The following FAM184A variants were observed in gnomAD, a reference collection of about 807,000 sequenced individuals.
The protein encoded by FAM184A is protein FAM184A.
In FAM184A, 99 loss-of-function variants were observed where a neutral mutation model predicts 143.8. The ratio of observed to expected loss-of-function variants is 0.69; its 90% CI spans 0.58 to 0.81. The LOEUF (loss-of-function observed/expected upper bound fraction) is 0.81, where lower values mean the gene tolerates loss of function less well. FAM184A is among the 40% of genes least tolerant of loss of function. The pLI is 0.00. For missense variants in FAM184A, 1,217 were observed against 1,310.5 expected, an observed-to-expected ratio of 0.93 and a Z score of 1.10; for synonymous variants, 427 against 446.4, an observed-to-expected ratio of 0.96 and a Z score of 0.55.
chr6:119,141,954 C>A (rs1562166891), intron 1 of FAM184A, among the ~76,000 whole-genome samples: 1 of 152,192 alleles, frequency 6.6e-6, no homozygotes, highest in Non-Finnish European at 1.5e-5. Flanking sequence ...CACAACAAAT[C>A]CTGTCTAAGC....
chr6:118,960,299 G>A, intron 17 of FAM184A, 115 bp from the exon 18 acceptor site: 1 of 792,290 alleles, frequency 1.3e-6, no homozygotes, highest in Non-Finnish European at 2.0e-6. Flanking sequence ...CATGTTGTAA[G>A]TCGTGTTTTA....
chr6:118,971,977 C>T (rs1783711590), intron 14 of FAM184A, among the ~76,000 whole-genome samples: 1 of 152,176 alleles, frequency 6.6e-6, no homozygotes, highest in Admixed American at 6.5e-5. Context: ...CCACAGGACT[C>T]TTCTGATTTC....
At chr6:119,113,479 CT>C (rs201247240) in intron 1 of FAM184A, among the ~76,000 whole-genome samples, 4,791 of 152,208 alleles carry the variant, frequency 0.031, 446 homozygotes, top group Admixed American at 0.19. Context: ...CTCACCACCC[CT>C]AATCATGCTT....
intron 1 of FAM184A, among the ~76,000 whole-genome samples, chr6:119,089,184 C>G (rs1414134278): frequency 3.3e-5 from 4 of 120,148 alleles, no homozygotes; most frequent in African/African-American, 1.4e-4. Context: ...TTATCTCTCT[C>G]TCTTTATTTA....
intron 9 of FAM184A, among the ~76,000 whole-genome samples, chr6:118,998,205 C>G (rs900441279): frequency 1.1e-4 from 17 of 152,318 alleles, no homozygotes; most frequent in Non-Finnish European, 5.9e-5. Context: ...TTAATATTTT[C>G]TTCTCTTCTA....
At chr6:119,105,412 G>A (rs558683064) in intron 1 of FAM184A, among the ~76,000 whole-genome samples, 1 of 152,116 alleles carries the variant, frequency 6.6e-6, no homozygotes, top group African/African-American at 2.4e-5. Flanking sequence ...GTTTAAAAGT[G>A]TGTGGCATTT....
chr6:119,102,551 G>C (rs1173819416), intron 1 of FAM184A, among the ~76,000 whole-genome samples: 1 of 152,098 alleles, frequency 6.6e-6, no homozygotes, highest in Non-Finnish European at 1.5e-5. Context: ...ACTTTGGAAG[G>C]CCGAGGTAGG....
chr6:118,978,166 T>C (rs1191126366), intron 11 of FAM184A, among the ~76,000 whole-genome samples: 1 of 152,196 alleles, frequency 6.6e-6, no homozygotes, highest in African/African-American at 2.4e-5. Flanking sequence ...TTTCACCATG[T>C]TGGTCAGGCT....
intron 1 of FAM184A, among the ~76,000 whole-genome samples, chr6:119,033,798 C>G (rs1785984071): frequency 6.6e-6 from 1 of 150,748 alleles, no homozygotes; most frequent in Non-Finnish European, 1.5e-5. Flanking sequence ...TCAAGTCCAG[C>G]CTGGCCAACA....
chr6:119,084,740 A>G (rs1214220607), intron 1 of FAM184A, among the ~76,000 whole-genome samples: 3 of 152,256 alleles, frequency 2.0e-5, no homozygotes, highest in Non-Finnish European at 4.4e-5. Flanking sequence ...CCTCTGCAGC[A>G]GGCTTCTGCT....
intron 14 of FAM184A, 31 bp from the exon 15 acceptor site, chr6:118,966,983 T>C (rs1279397706): frequency 9.4e-7 from 1 of 1,059,406 alleles, no homozygotes; most frequent in Non-Finnish European, 1.4e-6. Flanking sequence ...AGCTCATTGA[T>C]ATCACTCAGA....
intron 1 of FAM184A, among the ~76,000 whole-genome samples, chr6:119,094,617 A>G (rs1419181100): frequency 6.6e-6 from 1 of 152,192 alleles, no homozygotes; most frequent in Non-Finnish European, 1.5e-5. Flanking sequence ...TGCTTTCTCC[A>G]ACTACACCAG....
rs766082373 is a variant in FAM184A, at chr6:119,003,622, C to T, written c.1816G>A (p.Gly606Ser). 4 of 1,598,356 alleles carry T rather than the reference C, an allele frequency of 2.5e-6. No homozygotes were observed. Among genetic ancestry groups the T allele is most frequent in the Admixed American group, 3.5e-5 (2 of 57,266 alleles). ...TGTTGCCTTTCTTGTTCTAGCTCAC[C>T]CTGAAGAATAAAAACTTTTCAATGA... ...ETKDALLNVEGELEQERQQHE... is the reference protein window; with the variant it reads ...ETKDALLNVESELEQERQQHE... Residue 606 changes from glycine to serine, a missense_variant and splice_region_variant, in exon 8 of 18, where the codon GGT (glycine) becomes AGT (serine). Coordinates refer to ENST00000338891, the MANE Select transcript of FAM184A (RefSeq NM_024581.6).
intron 1 of FAM184A, among the ~76,000 whole-genome samples, chr6:119,144,206 C>T (rs1000133645): frequency 1.3e-4 from 19 of 149,456 alleles, no homozygotes; most frequent in Admixed American, 2.7e-4. Flanking sequence ...TGGTGGCGGG[C>T]GCCTGTAGTC....
At chr6:119,002,531 C>T (rs1784795700) in intron 9 of FAM184A, among the ~76,000 whole-genome samples, 1 of 152,054 alleles carries the variant, frequency 6.6e-6, no homozygotes, top group Non-Finnish European at 1.5e-5. Context: ...TTTAGGTAAT[C>T]ATGATACATA....
intron 1 of FAM184A, chr6:119,025,665 CA>C (rs1305057193): frequency 7.8e-6 from 4 of 514,736 alleles, no homozygotes; most frequent in Non-Finnish European, 1.5e-5. Flanking sequence ...TGCCATCCAT[CA>C]TGCCACTGTG....
chr6:119,138,224 ACTT>A (rs1772088897), intron 1 of FAM184A, among the ~76,000 whole-genome samples: 1 of 152,202 alleles, frequency 6.6e-6, no homozygotes, highest in African/African-American at 2.4e-5. Flanking sequence ...TCAAATGACT[ACTT>A]TGGGATCTGG....
At chr6:119,039,002 C>G (rs1786217733) in intron 1 of FAM184A, among the ~76,000 whole-genome samples, 1 of 152,150 alleles carries the variant, frequency 6.6e-6, no homozygotes, top group Non-Finnish European at 1.5e-5. Context: ...GGCAAAATAT[C>G]TCAATAAATA....
chr6:119,056,076 G>A lies in FAM184A; in HGVS notation c.159+22065C>T, dbSNP rs139377702. Among the ~76,000 whole-genome samples the A allele has an allele frequency of 4.1e-3, 626 of 152,238 alleles. 3 individuals carry two copies. The highest frequency in any genetic ancestry group is 0.01 in the Middle Eastern group (3 of 294). ...AAGCAGGATAAACTGAAATAGAAGA[G>A]CCTGAAAGGAAACTTTGCAAAAATA... On this transcript the variant is annotated intron_variant, in intron 1 of 17. Transcript: ENST00000338891.
Sources: allele counts gnomAD v4.1 joint callset (sites outside exome capture counted in the v4.1 genomes callset), GRCh38; gene constraint gnomAD v4.1.1; transcripts MANE v1.5; gene names NCBI Gene and HGNC (gene_info 2026-07-23, HGNC 2026-07-21).